PFKP: variants seen among roughly 807,000 people sequenced by gnomAD.
The protein encoded by PFKP is ATP-dependent 6-phosphofructokinase, platelet type.
PFKP carries 101 observed loss-of-function variants against 94.3 expected under a neutral mutation model. The ratio of observed to expected loss-of-function variants is 1.07; its 90% CI spans 0.91 to 1.26. The LOEUF (loss-of-function observed/expected upper bound fraction) is 1.26. Ranked by LOEUF, PFKP falls within the 50% of genes most tolerant of loss-of-function variation. PFKP has a pLI of 0.00. For synonymous variants in PFKP, 573 were observed against 432.6 expected (o/e 1.32, Z -4.03); for missense variants, 1,145 against 1,103.3 (o/e 1.04, Z -0.53).
chr10:3,076,255 G>A (rs1413531382), intron 1 of PFKP, among the ~76,000 whole-genome samples: 1 of 152,130 alleles, frequency 6.6e-6, no homozygotes, highest in African/African-American at 2.4e-5. Context: ...AATGGGTGGC[G>A]TGTGCTGCCT....
In PFKP at chr10:3,108,740, A is replaced by G; in HGVS notation, c.910A>G (p.Ile304Val). The change falls in exon 9 of 22, where the codon ATC (isoleucine) becomes GTC (valine). Residue 304 changes from isoleucine (I) to valine (V), a missense_variant. Coordinates refer to ENST00000381125, the MANE Select transcript of PFKP (RefSeq NM_002627.5). Reference sequence around the variant, plus strand: ...GCTGGGCTATGACACACGTGTGACCATCCTCGGGCACGTGCAGAGAGGAGG... The same window carrying G: ...GCTGGGCTATGACACACGTGTGACCGTCCTCGGGCACGTGCAGAGAGGAGG... ...TQLGYDTRVT[I>V]LGHVQRGGTP... 1 of 1,614,022 alleles carries G rather than the reference A, an allele frequency of 6.2e-7. No individual in the cohort carries two copies. The highest frequency in any genetic ancestry group is 8.5e-7 in the Non-Finnish European group (1 of 1,179,960).
At chr10:3,086,287 C>T (rs1833591500) in intron 2 of PFKP, among the ~76,000 whole-genome samples, 1 of 152,226 alleles carries the variant, frequency 6.6e-6, no homozygotes, top group Admixed American at 6.5e-5. Flanking sequence ...GGCCTGAACA[C>T]TCACAGGGAC....
intron 14 of PFKP, among the ~76,000 whole-genome samples, chr10:3,118,486 T>TA (rs1837054435): frequency 6.6e-6 from 1 of 152,170 alleles, no homozygotes; most frequent in Non-Finnish European, 1.5e-5. Context: ...AAATTGTTAT[T>TA]AATTATAACT....
At position 3,104,550 on chromosome 10, in the gene PFKP, G is replaced by A. The variant is rs139827136; in HGVS notation, c.621-565G>A. Among the ~76,000 whole-genome samples, 1,039 of 152,326 alleles carry A rather than the reference G, an allele frequency of 6.8e-3. 36 individuals carry two copies. The highest frequency in any genetic ancestry group is 0.02 in the East Asian group (102 of 5,192). On this transcript the variant is annotated intron_variant, in intron 5 of 21. Coordinates refer to ENST00000381125, the MANE Select transcript of PFKP (RefSeq NM_002627.5). ...TGGCGCCTCCCAGTCCTCTGTGTGCGTGTCCTGTTCCCAGTGACGCCTCAC... is the reference window on the plus strand; with the variant it reads ...TGGCGCCTCCCAGTCCTCTGTGTGCATGTCCTGTTCCCAGTGACGCCTCAC...
rs145530054 is a variant in PFKP at position 3,099,319 on chromosome 10, C to T, written c.231C>T (p.Ala77=). 43 of 1,614,090 alleles carry T rather than the reference C, an allele frequency of 2.7e-5. No homozygotes were observed. In the Admixed American group the frequency reaches 2.7e-4, roughly 10 times the overall value. Residue 77 remains alanine (A), a synonymous_variant, in exon 3 of 22, where the codon GCC becomes GCT. Coordinates refer to ENST00000381125, the MANE Select transcript of PFKP (RefSeq NM_002627.5). ...ACGGAGGCTCAAACATCGCAGAGGCCGACTGGGAGAGTGTCTCCAGCATCC... is the reference window on the plus strand; with the variant it reads ...ACGGAGGCTCAAACATCGCAGAGGCTGACTGGGAGAGTGTCTCCAGCATCC... ...MVDGGSNIAE[A]DWESVSSILQ... is the part of the protein sequence containing the mutation.
intron 20 of PFKP, among the ~76,000 whole-genome samples, chr10:3,134,862 T>C (rs1477443068): frequency 6.6e-6 from 1 of 152,256 alleles, no homozygotes; most frequent in African/African-American, 2.4e-5. Flanking sequence ...ATCCTGAACG[T>C]TGGCCAGCAA....
intron 15 of PFKP, among the ~76,000 whole-genome samples, chr10:3,119,683 C>G (rs1043108423): frequency 1.3e-5 from 2 of 152,216 alleles, no homozygotes; most frequent in Non-Finnish European, 2.9e-5. Context: ...TCTAACCGAT[C>G]ATGTCTGTCC....
intron 7 of PFKP, 30 bp from the exon 8 acceptor site, chr10:3,107,184 T>C (rs766417379): frequency 2.2e-6 from 3 of 1,345,626 alleles, no homozygotes; most frequent in Non-Finnish European, 3.2e-6. Context: ...GGATTAGGAA[T>C]TTGAGAGCTT....
chr10:3,074,430 GA>G lies in PFKP; in HGVS notation c.112+6725del, dbSNP rs753926128. On this transcript the variant is annotated intron_variant, in intron 1 of 21. Coordinates refer to ENST00000381125, the MANE Select transcript of PFKP (RefSeq NM_002627.5). ...TTTGGCTTTGCCTTGGGTGAACTGG[GA>G]AGCAGGTGGAGGGAAGCAGACTGAC... Among the ~76,000 whole-genome samples, 135 of 152,236 alleles carry G rather than the reference GA, an allele frequency of 8.9e-4. 2 individuals carry two copies. The highest frequency in any genetic ancestry group is 4.6e-4 in the Admixed American group (7 of 15,288).
intron 2 of PFKP, among the ~76,000 whole-genome samples, chr10:3,087,425 G>A (rs1214947256): frequency 2.0e-5 from 3 of 152,202 alleles, no homozygotes; most frequent in African/African-American, 7.2e-5. Flanking sequence ...TCCTGCCCCT[G>A]CCCTCGGTGG....
At chr10:3,107,124 T>C in intron 7 of PFKP, 90 bp from the exon 8 acceptor site, 1 of 789,976 alleles carries the variant, frequency 1.3e-6, no homozygotes, top group Non-Finnish European at 2.2e-6. Flanking sequence ...AGAGGCCAGT[T>C]CAGTTTGAGA....
At chr10:3,129,514 G>GT in intron 16 of PFKP, 15 of 378,816 alleles carry the variant, frequency 4.0e-5, no homozygotes, top group South Asian at 1.0e-4. Context: ...CTGGCTTGTG[G>GT]GGTCGTCTTT....
chr10:3,111,779 C>T (rs934952472), intron 10 of PFKP, among the ~76,000 whole-genome samples: 1 of 152,136 alleles, frequency 6.6e-6, no homozygotes, highest in Non-Finnish European at 1.5e-5. Context: ...CTCCCCCGCC[C>T]GCTGTGACCT....
At chr10:3,103,260 C>T (rs1835193049) in intron 4 of PFKP, among the ~76,000 whole-genome samples, 1 of 152,226 alleles carries the variant, frequency 6.6e-6, no homozygotes, top group Non-Finnish European at 1.5e-5. Flanking sequence ...GTCTAAGTGC[C>T]AGGTGACAGA....
chr10:3,129,810 T>C lies in PFKP; in HGVS notation c.1684-9T>C, dbSNP rs779793393. 5 of 1,613,072 alleles carry C rather than the reference T, an allele frequency of 3.1e-6. No homozygotes were observed. Among genetic ancestry groups the C allele is most frequent in the Non-Finnish European group, 3.4e-6 (4 of 1,179,834 alleles). On this transcript the variant is annotated splice_polypyrimidine_tract_variant and intron_variant, in intron 16 of 21. Transcript: ENST00000381125. ...GGGCTGGAGTGACTGATCGCTTCTC[T>C]GTGACCAGACCTGCGACCGCATCAA...
chr10:3,108,138 A>C (rs541879093), intron 8 of PFKP: 17 of 718,798 alleles, frequency 2.4e-5, no homozygotes, highest in Non-Finnish European at 3.0e-5. Flanking sequence ...ACTGTAATTA[A>C]ATTATAGGAC....
At chr10:3,117,235 T>TA (rs1460077470) in intron 14 of PFKP, among the ~76,000 whole-genome samples, 1 of 152,162 alleles carries the variant, frequency 6.6e-6, no homozygotes, top group African/African-American at 2.4e-5. Context: ...GTGGGAAGCA[T>TA]AGCCCTGAGC....
intron 10 of PFKP, among the ~76,000 whole-genome samples, chr10:3,110,209 T>TTA (rs1836040066): frequency 6.7e-6 from 1 of 150,288 alleles, no homozygotes; most frequent in Non-Finnish European, 1.5e-5. Flanking sequence ...TTAATTAATT[T>TTA]ATTTATTTAG....
intron 8 of PFKP, chr10:3,107,872 G>A (rs1262244073): frequency 1.6e-6 from 2 of 1,288,494 alleles, no homozygotes; most frequent in Non-Finnish European, 2.0e-6. Context: ...CTGATACCAT[G>A]GGCTGTGCCC....
Sources: gnomAD v4.1 joint callset for allele counts (sites outside exome capture counted in the v4.1 genomes callset) on GRCh38, gnomAD v4.1.1 for gene constraint, MANE v1.5 for transcripts, NCBI Gene and HGNC (gene_info 2026-07-23, HGNC 2026-07-21) for gene names.